The following CNOT4 variants were observed in gnomAD, a reference collection of about 807,000 sequenced individuals.
CNOT4 encodes CCR4-associated factor 4.
In CNOT4, 8 loss-of-function variants were observed where a neutral mutation model predicts 73.8. The ratio of observed to expected loss-of-function variants is 0.11; its 90% CI spans 0.06 to 0.20. The LOEUF is 0.20. Among genes scored for constraint, CNOT4 ranks in the 10% least tolerant of loss-of-function variants. The pLI is 1.00. For missense variants in CNOT4, 564 were observed against 883.4 expected (o/e 0.64, Z 4.58); for synonymous variants, 293 against 321.1 (o/e 0.91, Z 0.94).
chr7:135,444,894 G>A, intron 1 of CNOT4: 4 of 1,600,812 alleles, frequency 2.5e-6, no homozygotes, highest in Non-Finnish European at 2.6e-6. Context: ...TCACGATGTG[G>A]GCATCTGCAA....
chr7:135,376,352 C>T (rs1795519804), intron 10 of CNOT4, among the ~76,000 whole-genome samples: 1 of 151,862 alleles, frequency 6.6e-6, no homozygotes, highest in Admixed American at 6.6e-5. Flanking sequence ...TGCTGTTCTG[C>T]TTTTTTTTAA....
intron 10 of CNOT4, among the ~76,000 whole-genome samples, chr7:135,371,444 A>G (rs549906863): frequency 9.8e-5 from 15 of 152,372 alleles, no homozygotes; most frequent in African/African-American, 3.4e-4. Flanking sequence ...TAAACGGCAA[A>G]TAAGAAAACA....
Position 135,410,583 on chromosome 7 carries a change from A to AAAATTGGGATTTAATTTATATAATTCT in CNOT4, c.726_752dup (p.Asn250_Phe251insLeuGluLeuTyrLysLeuAsnProAsn). On this transcript the variant is annotated inframe_insertion, in exon 7 of 12. Transcript: ENST00000541284. ...CAACTGAACCCGTAGATAGCTGAAG[A>AAAATTGGGATTTAATTTATATAATTCT]AAATTGGGATTTAATTTATATAATT... 1 of 1,593,806 alleles carries AAAATTGGGATTTAATTTATATAATTCT rather than the reference A, an allele frequency of 6.3e-7. No individual in the cohort carries two copies. Among genetic ancestry groups the AAAATTGGGATTTAATTTATATAATTCT allele is most frequent in the Non-Finnish European group, 8.5e-7 (1 of 1,170,410 alleles).
At chr7:135,434,216 C>T (rs149984669) in intron 2 of CNOT4, among the ~76,000 whole-genome samples, 152 of 152,342 alleles carry the variant, frequency 1.0e-3, no homozygotes, top group African/African-American at 3.5e-3. Flanking sequence ...TGGTTTTCCT[C>T]TGTGTTAACA....
chr7:135,395,924 A>G, intron 8 of CNOT4, 41 bp from the exon 9 acceptor site: 1 of 1,400,460 alleles, frequency 7.1e-7, no homozygotes. Context: ...ACATGTTTAT[A>G]CATTTTAATA....
At chr7:135,415,867 T>C (rs1340553752) in intron 3 of CNOT4, among the ~76,000 whole-genome samples, 3 of 152,128 alleles carry the variant, frequency 2.0e-5, no homozygotes, top group East Asian at 3.9e-4. Flanking sequence ...TGAGGCTTTT[T>C]CCCCTACTTT....
intron 2 of CNOT4, among the ~76,000 whole-genome samples, chr7:135,434,272 C>T (rs994348873): frequency 3.3e-5 from 5 of 152,268 alleles, no homozygotes; most frequent in South Asian, 2.1e-4. Context: ...TGCTTGACTC[C>T]GACCGACACA....
Position 135,362,444 on chromosome 7 carries a change from C to A in CNOT4, c.*441G>T. On this transcript the variant is annotated 3_prime_UTR_variant, in exon 12 of 12. Coordinates refer to ENST00000541284, the MANE Select transcript of CNOT4 (RefSeq NM_001190850.2). Reference sequence around the variant, plus strand: ...ATGGATGCTAGGACCACTGCTTTCCCCCATGCATTTAGCAATCTCACGTAA... The same window carrying A: ...ATGGATGCTAGGACCACTGCTTTCCACCATGCATTTAGCAATCTCACGTAA... 6.9e-6 allele frequency: 2 copies of A among 291,432 alleles called. No individual in the cohort carries two copies. The highest frequency in any genetic ancestry group is 6.8e-5 in the South Asian group (2 of 29,536). 18.1% of individuals were successfully genotyped at this position (291,432 alleles called of 1,614,324 possible).
At chr7:135,423,556 T>G (rs949842282) in intron 2 of CNOT4, among the ~76,000 whole-genome samples, 2 of 152,092 alleles carry the variant, frequency 1.3e-5, no homozygotes, top group African/African-American at 4.8e-5. Flanking sequence ...CACCTTATAT[T>G]TCACAACTTT....
chr7:135,375,217 G>A (rs1795453530), intron 10 of CNOT4, among the ~76,000 whole-genome samples: 1 of 152,202 alleles, frequency 6.6e-6, no homozygotes. Flanking sequence ...GCAACGTCAA[G>A]TCAAAATATG....
At chr7:135,461,919 G>A (rs1199261358) in intron 1 of CNOT4, among the ~76,000 whole-genome samples, 1 of 151,868 alleles carries the variant, frequency 6.6e-6, no homozygotes, top group African/African-American at 2.4e-5. Context: ...TTTTTACCAA[G>A]ATGAAATTTC....
At chr7:135,461,923 A>C (rs908554390) in intron 1 of CNOT4, among the ~76,000 whole-genome samples, 1 of 152,188 alleles carries the variant, frequency 6.6e-6, no homozygotes, top group Admixed American at 6.5e-5. Context: ...TACCAAGATG[A>C]AATTTCAGTA....
At chr7:135,436,925 G>T (rs1201846987) in intron 2 of CNOT4, among the ~76,000 whole-genome samples, 1 of 151,782 alleles carries the variant, frequency 6.6e-6, no homozygotes, top group Non-Finnish European at 1.5e-5. Context: ...GAACACAAGA[G>T]GTCTTTAAAA....
At chr7:135,475,203 A>G (rs1801912540) in intron 1 of CNOT4, among the ~76,000 whole-genome samples, 1 of 152,218 alleles carries the variant, frequency 6.6e-6, no homozygotes, top group East Asian at 1.9e-4. Context: ...GAATCTCATC[A>G]CTGGAACACA....
rs114156906 is a variant in CNOT4 at position 135,419,379 on chromosome 7, C to T, written c.372+2777G>A. On this transcript the variant is annotated intron_variant, in intron 3 of 11. Transcript: ENST00000541284. ...CAATTTGAACCTTCTTTTGAGTTTT[C>T]GAGTGAAGCCAACTTCACTAGAAGT... is the stretch of plus-strand genomic sequence containing the variant. Among the ~76,000 whole-genome samples the T allele has an allele frequency of 8.7e-3, 1,329 of 152,076 alleles. 23 individuals carry two copies. The highest frequency in any genetic ancestry group is 0.03 in the African/African-American group (1,262 of 41,492).
chr7:135,408,644 ACACTCACACT>A (rs1319116735), intron 7 of CNOT4, among the ~76,000 whole-genome samples: 1 of 152,134 alleles, frequency 6.6e-6, no homozygotes. Flanking sequence ...ACACACATAA[ACACTCACACT>A]CACTCACAAT....
At chr7:135,383,271 C>A (rs1393982769) in intron 10 of CNOT4, among the ~76,000 whole-genome samples, 1 of 152,156 alleles carries the variant, frequency 6.6e-6, no homozygotes. Flanking sequence ...GCTATATTAC[C>A]TGTAATAAGG....
chr7:135,463,308 C>T (rs937842376), intron 1 of CNOT4, among the ~76,000 whole-genome samples: 2 of 152,058 alleles, frequency 1.3e-5, no homozygotes, highest in South Asian at 2.1e-4. Context: ...GAGGCCGAGG[C>T]GAGTAGATCA....
chr7:135,408,314 A>G (rs1194615881), intron 7 of CNOT4, among the ~76,000 whole-genome samples: 2 of 152,194 alleles, frequency 1.3e-5, no homozygotes, highest in Non-Finnish European at 2.9e-5. Flanking sequence ...ATAGCCATAA[A>G]AAATTATGTT....
Sources: allele counts gnomAD v4.1 joint callset (sites outside exome capture counted in the v4.1 genomes callset), GRCh38; gene constraint gnomAD v4.1.1; transcripts MANE v1.5; gene names NCBI Gene and HGNC (gene_info 2026-07-23, HGNC 2026-07-21).